PPP2R2B: variants seen among roughly 807,000 people sequenced by gnomAD.
PPP2R2B encodes the protein protein phosphatase 2 regulatory subunit Bbeta.
PPP2R2B carries 5 observed loss-of-function variants against 46.0 expected under a neutral mutation model. That is an observed-to-expected ratio of 0.11 (90% CI 0.06 to 0.23). The LOEUF is 0.23. Ranked by LOEUF, PPP2R2B falls within the 10% of genes least tolerant of loss-of-function variation. The pLI, the probability that PPP2R2B is intolerant of heterozygous loss-of-function variation, is 1.00. For synonymous variants in PPP2R2B, 215 were observed against 206.7 expected (o/e 1.04, Z -0.34); for missense variants, 367 against 575.0 (o/e 0.64, Z 3.70).
chr5:146,651,489 G>A (rs899577941), intron 5 of PPP2R2B, among the ~76,000 whole-genome samples: 1 of 152,120 alleles, frequency 6.6e-6, no homozygotes, highest in African/African-American at 2.4e-5. Context: ...TCAGAGAATC[G>A]GCAACTAAAT....
At chr5:146,832,297 G>A (rs1172775986) in intron 2 of PPP2R2B, among the ~76,000 whole-genome samples, 4 of 150,160 alleles carry the variant, frequency 2.7e-5, no homozygotes, top group Non-Finnish European at 5.9e-5. Context: ...TCACTAGTCA[G>A]TGACTCACCC....
At chr5:147,004,089 A>T (rs1237098040) in intron 1 of PPP2R2B, among the ~76,000 whole-genome samples, 1 of 152,176 alleles carries the variant, frequency 6.6e-6, no homozygotes, top group East Asian at 1.9e-4. Context: ...CCACAGCCTT[A>T]GTCATGGCCC....
chr5:146,933,293 C>T (rs1005249580), intron 1 of PPP2R2B, among the ~76,000 whole-genome samples: 5 of 151,892 alleles, frequency 3.3e-5, no homozygotes, highest in African/African-American at 1.2e-4. Context: ...GGATAAACGC[C>T]CAAGTTGCTC....
intron 2 of PPP2R2B, among the ~76,000 whole-genome samples, chr5:146,816,776 CA>C (rs1757956795): frequency 2.6e-5 from 4 of 152,140 alleles, no homozygotes; most frequent in East Asian, 3.9e-4. Context: ...GTCAGAGACC[CA>C]TATGGAGGAG....
intron 1 of PPP2R2B, among the ~76,000 whole-genome samples, chr5:147,015,988 A>T (rs1421213715): frequency 1.3e-5 from 2 of 151,466 alleles, no homozygotes; most frequent in Non-Finnish European, 2.9e-5. Flanking sequence ...GTCTCTACAC[A>T]CACATAGATA....
chr5:146,596,156 A>G (rs913574213), intron 8 of PPP2R2B, among the ~76,000 whole-genome samples: 2 of 152,190 alleles, frequency 1.3e-5, no homozygotes, highest in East Asian at 3.8e-4. Flanking sequence ...TCTTAATAAA[A>G]TTTACCTACA....
At chr5:146,796,418 C>T (rs371181664) in intron 2 of PPP2R2B, among the ~76,000 whole-genome samples, 13 of 152,142 alleles carry the variant, frequency 8.5e-5, no homozygotes, top group East Asian at 1.9e-4. Flanking sequence ...ACACCACTTC[C>T]GTGGCATCTG....
intron 7 of PPP2R2B, among the ~76,000 whole-genome samples, chr5:146,605,863 C>T (rs1772210081): frequency 6.6e-6 from 1 of 152,206 alleles, no homozygotes; most frequent in African/African-American, 2.4e-5. Context: ...CTGAATACTG[C>T]CTTTAAAATT....
intron 1 of PPP2R2B, chr5:147,035,227 G>C: frequency 2.3e-6 from 1 of 427,940 alleles, no homozygotes; most frequent in Non-Finnish European, 4.6e-6. Flanking sequence ...AGGCGAAGGG[G>C]AAGCAAGGCA....
chr5:146,883,770 A>T (rs1762240413), intron 1 of PPP2R2B, among the ~76,000 whole-genome samples: 1 of 152,234 alleles, frequency 6.6e-6, no homozygotes, highest in South Asian at 2.1e-4. Context: ...CACATAAGTG[A>T]TCCTTTAACG....
chr5:146,768,817 G>T (rs1225587150), intron 2 of PPP2R2B, among the ~76,000 whole-genome samples: 2 of 151,906 alleles, frequency 1.3e-5, no homozygotes, highest in East Asian at 1.9e-4. Context: ...GTGTTTCTGA[G>T]ACTTTTTACA....
At chr5:146,723,896 T>A (rs190612814) in intron 2 of PPP2R2B, among the ~76,000 whole-genome samples, 24 of 152,212 alleles carry the variant, frequency 1.6e-4, no homozygotes, top group Admixed American at 7.9e-4. Flanking sequence ...AATCCACAAA[T>A]CTCATTAATC....
upstream of PPP2R2B, among the ~76,000 whole-genome samples, chr5:146,882,356 T>C (rs1445994906): frequency 2.0e-5 from 3 of 152,082 alleles, no homozygotes; most frequent in Non-Finnish European, 4.4e-5. Context: ...TTAAATTCTA[T>C]CATCTAATTT....
At chr5:146,739,439 G>C (rs888872487) in intron 2 of PPP2R2B, among the ~76,000 whole-genome samples, 1 of 152,150 alleles carries the variant, frequency 6.6e-6, no homozygotes, top group Non-Finnish European at 1.5e-5. Flanking sequence ...GGATGGGGAG[G>C]AAAGAATGCC....
chr5:146,590,643 C>T (rs1362589156), intron 9 of PPP2R2B, among the ~76,000 whole-genome samples: 2 of 151,980 alleles, frequency 1.3e-5, no homozygotes, highest in Non-Finnish European at 2.9e-5. Context: ...AGCAGTTGTA[C>T]GTGTTTAAGG....
At position 147,011,940 on chromosome 5, in the gene PPP2R2B, G is replaced by T. The variant is rs1754755259; in HGVS notation, c.79+43725C>A. 3.1e-5 allele frequency among the ~76,000 whole-genome samples: 4 copies of T among 129,444 alleles called. 1 individual carries two copies. The highest frequency in any genetic ancestry group is 8.0e-5 in the Admixed American group (1 of 12,524). The allele number at this position is 129,444 out of a possible 152,430, so 84.9% of individuals were successfully genotyped here. On this transcript the variant is annotated intron_variant, in intron 1 of 8. Transcript: ENST00000336640. ...CCAGGGATGAAGCCCACTTGATCGT[G>T]GTGGATAAGCTTTTTGATGTGCTGC... is the stretch of plus-strand genomic sequence containing the variant.
At chr5:146,726,035 T>C (rs1751842023) in intron 2 of PPP2R2B, among the ~76,000 whole-genome samples, 2 of 152,180 alleles carry the variant, frequency 1.3e-5, no homozygotes, top group Admixed American at 1.3e-4. Flanking sequence ...TACTCAAATC[T>C]TAGCAGCAGC....
In PPP2R2B at chr5:146,973,412, C is replaced by T. The variant is rs374072624; in HGVS notation, c.79+82253G>A. 2.0e-5 allele frequency among the ~76,000 whole-genome samples: 3 copies of T among 152,312 alleles called. No homozygotes were observed. In the East Asian group the frequency reaches 5.8e-4, roughly 29 times the overall value. ...TCCAAGCACAATTTTCATTTTGAGCCACTGTTGGCACATTGGGCTACCCTT... is the reference window on the plus strand; with the variant it reads ...TCCAAGCACAATTTTCATTTTGAGCTACTGTTGGCACATTGGGCTACCCTT... On this transcript the variant is annotated intron_variant, in intron 1 of 8. Coordinates refer to the PPP2R2B transcript ENST00000336640.
intron 5 of PPP2R2B, among the ~76,000 whole-genome samples, chr5:146,655,511 A>G (rs1776265782): frequency 6.6e-6 from 1 of 152,180 alleles, no homozygotes; most frequent in South Asian, 2.1e-4. Context: ...GCAGTTCCTC[A>G]GTGAATTTTC....
Sources: gnomAD v4.1 joint callset for allele counts (sites outside exome capture counted in the v4.1 genomes callset) on GRCh38, gnomAD v4.1.1 for gene constraint, MANE v1.5 for transcripts, NCBI Gene and HGNC (gene_info 2026-07-23, HGNC 2026-07-21) for gene names.